Variants in TAFA2 observed in about 807,000 individuals in gnomAD.
TAFA2 encodes TAFA chemokine like family member 2.
Under a neutral mutation model 18.8 loss-of-function variants are expected in TAFA2, and 7 were observed. The observed-to-expected ratio is 0.37, with a 90% CI of 0.21 to 0.70. TAFA2 has a LOEUF of 0.70. TAFA2 is among the 30% of genes least tolerant of loss of function. TAFA2 has a pLI of 0.53. For synonymous variants in TAFA2, 60 were observed against 54.2 expected (o/e 1.11, Z -0.47); for missense variants, 122 against 158.1 (o/e 0.77, Z 1.23).
At chr12:61,789,734 C>T (rs1870894145) in intron 2 of TAFA2, among the ~76,000 whole-genome samples, 2 of 151,696 alleles carry the variant, frequency 1.3e-5, no homozygotes, top group Non-Finnish European at 2.9e-5. Context: ...AGGGATATAA[C>T]AGCATTTAAA....
chr12:61,976,912 C>A (rs550920383), intron 1 of TAFA2, among the ~76,000 whole-genome samples: 2 of 152,072 alleles, frequency 1.3e-5, no homozygotes, highest in East Asian at 1.9e-4. Flanking sequence ...TTTTCTTAAT[C>A]CAGTCTATCA....
At chr12:62,147,447 T>C (rs952073500) in intron 1 of TAFA2, among the ~76,000 whole-genome samples, 8 of 147,996 alleles carry the variant, frequency 5.4e-5, no homozygotes, top group Non-Finnish European at 8.9e-5. Flanking sequence ...GAAGAAACTA[T>C]CGGCCGGGCA....
chr12:62,054,037 G>T (rs1271198291), intron 1 of TAFA2, among the ~76,000 whole-genome samples: 2 of 152,164 alleles, frequency 1.3e-5, no homozygotes, highest in Non-Finnish European at 2.9e-5. Flanking sequence ...GAGAATTGGG[G>T]TCAAGTAGTT....
At chr12:61,974,256 GA>G (rs1461060938) in intron 1 of TAFA2, among the ~76,000 whole-genome samples, 2 of 151,612 alleles carry the variant, frequency 1.3e-5, no homozygotes, top group Non-Finnish European at 3.0e-5. Context: ...TAAAAAGAAA[GA>G]ATATTACTGA....
intron 1 of TAFA2, among the ~76,000 whole-genome samples, chr12:61,939,625 T>C (rs1048140662): frequency 6.6e-6 from 1 of 152,190 alleles, no homozygotes; most frequent in Non-Finnish European, 1.5e-5. Context: ...GTCTACTTCA[T>C]ATGCTTGTTT....
At chr12:61,910,638 C>T (rs1332005838) in intron 1 of TAFA2, among the ~76,000 whole-genome samples, 2 of 152,136 alleles carry the variant, frequency 1.3e-5, no homozygotes, top group Non-Finnish European at 2.9e-5. Context: ...CATGAGAAAC[C>T]TTAAGTGACA....
At chr12:62,013,713 T>TA (rs1240794990) in intron 1 of TAFA2, among the ~76,000 whole-genome samples, 3 of 152,342 alleles carry the variant, frequency 2.0e-5, no homozygotes, top group African/African-American at 7.2e-5. Flanking sequence ...AATAACAACT[T>TA]ATTCACTCAA....
intron 1 of TAFA2, among the ~76,000 whole-genome samples, chr12:62,180,668 G>A (rs1345407255): frequency 6.6e-6 from 1 of 151,992 alleles, no homozygotes; most frequent in Non-Finnish European, 1.5e-5. Flanking sequence ...TCAGAAGGGT[G>A]AAAATGAAAT....
intron 1 of TAFA2, among the ~76,000 whole-genome samples, chr12:62,013,472 T>C (rs561961550): frequency 4.6e-5 from 7 of 152,310 alleles, no homozygotes; most frequent in Non-Finnish European, 1.0e-4. Context: ...CTTAAGTTAA[T>C]AGTAAGTCTA....
At chr12:61,765,458 T>C (rs898664544) in intron 2 of TAFA2, among the ~76,000 whole-genome samples, 2 of 152,146 alleles carry the variant, frequency 1.3e-5, no homozygotes, top group African/African-American at 4.8e-5. Flanking sequence ...GCTTAACTAA[T>C]ATTCCTAGTA....
chr12:61,918,180 TTAGTTATCTTAAA>T (rs1272331883), intron 1 of TAFA2, among the ~76,000 whole-genome samples: 1 of 152,126 alleles, frequency 6.6e-6, no homozygotes, highest in Admixed American at 6.5e-5. Flanking sequence ...TCATACTCTT[TTAGTTATCTTAAA>T]ATGAACAATT....
At chr12:62,233,066 CTTTTTTTTTTTTTTTTTTTT>C (rs34781688) in intron 1 of TAFA2, among the ~76,000 whole-genome samples, 2 of 39,534 alleles carry the variant, frequency 5.1e-5, no homozygotes, top group Non-Finnish European at 9.1e-5. Context: ...TTCTGCATCT[CTTTTTTTTTTTTTTTTTTTT>C]TTTTTTTTTT....
intron 2 of TAFA2, among the ~76,000 whole-genome samples, chr12:61,790,389 A>T (rs1460768104): frequency 6.6e-6 from 1 of 151,886 alleles, no homozygotes; most frequent in Non-Finnish European, 1.5e-5. Context: ...ACAGAAATCA[A>T]TAAAACTTAT....
At chr12:62,025,938 G>A (rs1881297525) in intron 1 of TAFA2, among the ~76,000 whole-genome samples, 2 of 152,016 alleles carry the variant, frequency 1.3e-5, no homozygotes, top group Admixed American at 6.6e-5. Flanking sequence ...TAGTCAAGAC[G>A]AAATTAACTG....
intron 1 of TAFA2, among the ~76,000 whole-genome samples, chr12:62,204,931 GT>G (rs2062685792): frequency 6.6e-6 from 1 of 152,144 alleles, no homozygotes; most frequent in Non-Finnish European, 1.5e-5. Flanking sequence ...TCTTCAGCAT[GT>G]TTTCATTGAT....
intron 4 of TAFA2, among the ~76,000 whole-genome samples, chr12:61,718,157 T>A (rs956009693): frequency 1.3e-5 from 2 of 152,132 alleles, no homozygotes; most frequent in Admixed American, 1.3e-4. Context: ...CAAATGAAGA[T>A]CTTGACTGGA....
chr12:62,110,612 C>CTTTTTTTTTT (rs68008958), intron 1 of TAFA2, among the ~76,000 whole-genome samples: 4 of 104,826 alleles, frequency 3.8e-5, no homozygotes, highest in Non-Finnish European at 5.6e-5. Context: ...TGGTCCTGGG[C>CTTTTTTTTTT]TTTTTTTTTT....
At chr12:62,042,877 G>T (rs530725374) in intron 1 of TAFA2, among the ~76,000 whole-genome samples, 27 of 152,084 alleles carry the variant, frequency 1.8e-4, no homozygotes, top group African/African-American at 6.3e-4. Context: ...CCTTGGATCT[G>T]CCCCAATGCA....
chr12:61,776,079 C>A, intron 2 of TAFA2: 1 of 439,790 alleles, frequency 2.3e-6, no homozygotes, highest in African/African-American at 2.1e-5. Flanking sequence ...AGAAATGCCC[C>A]ACTAATGCTA....
Sources: allele counts gnomAD v4.1 joint callset (sites outside exome capture counted in the v4.1 genomes callset), GRCh38; gene constraint gnomAD v4.1.1; transcripts MANE v1.5; gene names NCBI Gene and HGNC (gene_info 2026-07-23, HGNC 2026-07-21).